ZCCHC8: variants seen among roughly 807,000 people sequenced by gnomAD.
ZCCHC8 encodes the protein zinc finger CCHC-type containing 8.
In ZCCHC8, 27 loss-of-function variants were observed where a neutral mutation model predicts 70.6. That is an observed-to-expected ratio of 0.38 (90% CI 0.28 to 0.53). The LOEUF (loss-of-function observed/expected upper bound fraction) is 0.53, where lower values mean the gene tolerates loss of function less well. Among genes scored for constraint, ZCCHC8 ranks in the 20% least tolerant of loss-of-function variants. ZCCHC8 has a pLI of 0.81. For missense variants in ZCCHC8, 737 were observed against 876.9 expected (o/e 0.84, Z 2.01); for synonymous variants, 293 against 317.4 (o/e 0.92, Z 0.82).
At position 122,500,478 on chromosome 12, in the gene ZCCHC8, T is replaced by C; in HGVS notation, c.199+164A>G. The stretch of plus-strand genomic sequence containing the variant: ...GAGGCAGCCTGCGCGCCCCGAACCC[T>C]AGACTCTCGGTCCGCCGGCGGGTGA... On this transcript the variant is annotated intron_variant, in intron 1 of 13. Coordinates refer to ENST00000633063, the MANE Select transcript of ZCCHC8 (RefSeq NM_017612.5). The surrounding 1 kb of genome is among the most constrained non-coding windows in gnomAD (Gnocchi z 4.8). The C allele has an allele frequency of 1.0e-6, 1 of 971,572 alleles. No individual in the cohort carries two copies. The highest frequency in any genetic ancestry group is 1.5e-6 in the Non-Finnish European group (1 of 678,430). The allele number at this position is 971,572 out of a possible 1,614,324, so 60.2% of individuals were successfully genotyped here.
Position 122,482,685 on chromosome 12 carries a change from G to A in ZCCHC8, c.682C>T (p.His228Tyr). 1 of 1,607,178 alleles carries A rather than the reference G, an allele frequency of 6.2e-7. No individual in the cohort carries two copies. Among genetic ancestry groups the A allele is most frequent in the Non-Finnish European group, 8.5e-7 (1 of 1,176,196 alleles). Residue 228 changes from histidine (H) to tyrosine (Y), a missense_variant, in exon 8 of 14, where the codon CAC (histidine) becomes TAC (tyrosine). By Grantham distance (83) the His-to-Tyr change is moderately conservative. Coordinates refer to ENST00000633063, the MANE Select transcript of ZCCHC8 (RefSeq NM_017612.5). ...TCTTCAGAACCACAATTGAAACAGT[G>A]AGGCTTTGGCCTATTTGGTCAAAAG... ...IQVKAKRPKP[H>Y]CFNCGSEEHQ...
rs774799393 is a variant in ZCCHC8 at position 122,481,984 on chromosome 12, A to T, written c.836T>A (p.Val279Glu). The stretch of plus-strand genomic sequence containing the variant: ...CTTGAATCTTCCAAATCTTTCTTCT[A>T]CTTCTTCTGCGTGGTATCGCTGCTG... Reference protein sequence around the residue: ...NFQQRYHAEEVEERFGRFKPG... With the variant: ...NFQQRYHAEEEEERFGRFKPG... Residue 279 changes from valine (V) to glutamate (E), a missense_variant, in exon 9 of 14, where the codon GTA (valine) becomes GAA (glutamate). Transcript: ENST00000633063. The T allele has an allele frequency of 3.7e-6, 6 of 1,613,286 alleles. No individual in the cohort carries two copies. In the African/African-American group the frequency reaches 6.7e-5, roughly 18 times the overall value.
chr12:122,500,456 G>A lies in ZCCHC8; in HGVS notation c.199+186C>T, dbSNP rs1011407317. 5.3e-6 allele frequency: 4 copies of A among 758,258 alleles called. No homozygotes were observed. The African/African-American group carries it at 7.1e-5, about 14-fold the overall frequency. 47.0% of individuals were successfully genotyped at this position (758,258 alleles called of 1,614,324 possible). On this transcript the variant is annotated intron_variant, in intron 1 of 13. Transcript: ENST00000633063. This position sits in a 1 kb window ranked among gnomAD's most constrained non-coding sequence, Gnocchi z 4.8. ...CTGAGGGGAAGAGGTCTGCGCCGAG[G>A]CAGCCTGCGCGCCCCGAACCCTAGA...
intron 9 of ZCCHC8, 33 bp downstream of exon 9, chr12:122,481,912 A>G: frequency 1.2e-6 from 2 of 1,601,122 alleles, no homozygotes; most frequent in Admixed American, 1.7e-5. Context: ...AGGGAAATAA[A>G]AATGACCTTC....
chr12:122,499,303 C>G (rs1957878405), intron 1 of ZCCHC8: 1 of 178,516 alleles, frequency 5.6e-6, no homozygotes, highest in East Asian at 1.6e-4. Context: ...CAGTCTCACC[C>G]TGTCGCCCAG....
chr12:122,496,566 T>C (rs1042832253), intron 2 of ZCCHC8, among the ~76,000 whole-genome samples: 3 of 152,218 alleles, frequency 2.0e-5, no homozygotes, highest in East Asian at 1.9e-4. Flanking sequence ...GGAATCCTAG[T>C]TATATTTAAT....
At chr12:122,477,736 G>A in intron 13 of ZCCHC8, 105 bp downstream of exon 13, 2 of 862,900 alleles carry the variant, frequency 2.3e-6, no homozygotes, top group South Asian at 1.5e-5. Context: ...GTTGCGGTGA[G>A]CCGAGATCAC....
Position 122,481,631 on chromosome 12 carries a change from G to C in ZCCHC8, c.909C>G (p.Asp303Glu), listed in dbSNP as rs1566291619. The change falls in exon 10 of 14, where the codon GAC becomes GAG. Residue 303 changes from aspartate to glutamate, a missense_variant. Coordinates refer to ENST00000633063, the MANE Select transcript of ZCCHC8 (RefSeq NM_017612.5). The part of the protein sequence containing the change: ...EELQDALGVT[D>E]KSLPPFIYRM... ...GATAGATAAAAGGTGGAAGACTCTT[G>C]TCTGTCACACCTAGTGCATCTTGAA... The C allele has an allele frequency of 4.3e-6, 7 of 1,613,812 alleles. No homozygotes were observed. In the East Asian group the frequency reaches 1.3e-4, roughly 31 times the overall value.
At position 122,478,301 on chromosome 12, in the gene ZCCHC8, GAA is replaced by G. The variant is rs776299543; in HGVS notation, c.1141-11_1141-10del. On this transcript the variant is annotated splice_polypyrimidine_tract_variant and intron_variant, in intron 11 of 13. Coordinates refer to ENST00000633063, the MANE Select transcript of ZCCHC8 (RefSeq NM_017612.5). ...CCAAAGATCCTCCATTCCTAATGAT[GAA>G]AAGAGAAGGAAAAAAAAAACACATG... is the stretch of plus-strand genomic sequence containing the variant. 68 of 1,546,572 alleles carry G rather than the reference GAA, an allele frequency of 4.4e-5. No homozygotes were observed. The highest frequency in any genetic ancestry group is 5.9e-5 in the Non-Finnish European group (67 of 1,145,284).
At position 122,472,032 on chromosome 12, in the gene ZCCHC8, T is replaced by C. The variant is rs949725560; in HGVS notation, c.*1465A>G. 2 of 152,190 alleles carry C rather than the reference T, an allele frequency of 1.3e-5. No homozygotes were observed. The highest frequency in any genetic ancestry group is 2.4e-5 in the African/African-American group (1 of 41,444). 9.4% of individuals were successfully genotyped at this position (152,190 alleles called of 1,614,324 possible). ...TAATTTTTAACTATTAGGGTTCAAA[T>C]CTAGAAAATTATTTTTATACAAAGG... On this transcript the variant is annotated 3_prime_UTR_variant, in exon 14 of 14. Transcript: ENST00000633063.
At chr12:122,475,078 T>G (rs558635198) in intron 13 of ZCCHC8, among the ~76,000 whole-genome samples, 1 of 152,058 alleles carries the variant, frequency 6.6e-6, no homozygotes, top group East Asian at 1.9e-4. Context: ...GATGGAGTCT[T>G]GCTCTGTTGC....
chr12:122,473,738 C>G lies in ZCCHC8; in HGVS notation c.1883G>C (p.Ser628Thr). The change falls in exon 14 of 14, where the codon AGT becomes ACT. Residue 628 changes from serine to threonine, a missense_variant. Coordinates refer to ENST00000633063, the MANE Select transcript of ZCCHC8 (RefSeq NM_017612.5). ...NTEGALLDNG[S>T]VVPNCDISNG... ...GCTGATGTCACAGTTTGGTACGACA[C>G]TGCCATTATCAAGAAGGGCACCTTC... 1 of 1,613,816 alleles carries G rather than the reference C, an allele frequency of 6.2e-7. No individual in the cohort carries two copies. Among genetic ancestry groups the G allele is most frequent in the East Asian group, 2.2e-5 (1 of 44,888 alleles).
At chr12:122,484,235 A>C (rs1040147037) in intron 5 of ZCCHC8, 18 of 151,938 alleles carry the variant, frequency 1.2e-4, no homozygotes, top group Admixed American at 1.1e-3. Flanking sequence ...TGGGACCACA[A>C]GCACGGTCAG....
chr12:122,496,875 G>A (rs538401316), intron 2 of ZCCHC8, among the ~76,000 whole-genome samples: 25 of 152,212 alleles, frequency 1.6e-4, no homozygotes, highest in African/African-American at 2.6e-4. Context: ...GGCCGGGTGC[G>A]GTGGCTCCTG....
chr12:122,492,759 A>C lies in ZCCHC8; in HGVS notation c.273T>G (p.Asp91Glu). 1 of 1,549,172 alleles carries C rather than the reference A, an allele frequency of 6.5e-7. No individual in the cohort carries two copies. Among genetic ancestry groups the C allele is most frequent in the South Asian group, 1.2e-5 (1 of 83,828 alleles). ...SGILVNDTKL[D>E]GPILQILFMN... ...TGAATAGAATCTGTAATATAGGTCC[A>C]TCTAACTTAGTATCGTTCACCAATA... The change falls in exon 3 of 14, where the codon GAT becomes GAG. Residue 91 changes from aspartate (D) to glutamate (E), a missense_variant. Coordinates refer to ENST00000633063, the MANE Select transcript of ZCCHC8 (RefSeq NM_017612.5).
intron 2 of ZCCHC8, among the ~76,000 whole-genome samples, chr12:122,498,410 T>C (rs1189142404): frequency 6.6e-6 from 1 of 152,092 alleles, no homozygotes; most frequent in East Asian, 1.9e-4. Flanking sequence ...ATTACAGGCG[T>C]GAGCCACTGC....
At chr12:122,485,315 T>C (rs1957612278) in intron 5 of ZCCHC8, among the ~76,000 whole-genome samples, 2 of 152,182 alleles carry the variant, frequency 1.3e-5, no homozygotes, top group African/African-American at 4.8e-5. Flanking sequence ...GGTTTCTTCA[T>C]GTTGGTCAGG....
chr12:122,483,831 T>C lies in ZCCHC8; in HGVS notation c.502-268A>G, dbSNP rs148294888. On this transcript the variant is annotated intron_variant, in intron 5 of 13. Transcript: ENST00000633063. This position sits in a 1 kb window ranked among gnomAD's most constrained non-coding sequence, Gnocchi z 4.4. ...AGAATTCAAACAAAAAATGAAAACC[T>C]TGACTCTCATATTTCCCTCCAATGC... 36 of 330,160 alleles carry C rather than the reference T, an allele frequency of 1.1e-4. No individual in the cohort carries two copies. Among genetic ancestry groups the C allele is most frequent in the African/African-American group, 7.3e-4 (34 of 46,858 alleles). 20.5% of individuals were successfully genotyped at this position (330,160 alleles called of 1,614,324 possible). A position where few individuals can be genotyped will look rare whatever the true frequency, so the allele number is the denominator to read the frequency against.
At chr12:122,482,879 GC>G (rs1957563318) in intron 7 of ZCCHC8, 184 bp from the exon 8 acceptor site, 11 of 570,950 alleles carry the variant, frequency 1.9e-5, no homozygotes, top group Middle Eastern at 4.7e-4. Context: ...ATAGTACTAT[GC>G]AGAGTCTTTT....
Sources: allele counts gnomAD v4.1 joint callset (sites outside exome capture counted in the v4.1 genomes callset), GRCh38; gene constraint gnomAD v4.1.1; non-coding constraint Gnocchi (gnomAD v3.1); transcripts MANE v1.5; gene names NCBI Gene and HGNC (gene_info 2026-07-23, HGNC 2026-07-21).